The following PLCH1 variants were observed in gnomAD, a reference collection of about 807,000 sequenced individuals.
PLCH1 encodes 1-phosphatidylinositol 4,5-bisphosphate phosphodiesterase eta-1.
In PLCH1, 60 loss-of-function variants were observed where a neutral mutation model predicts 126.7. The ratio of observed to expected loss-of-function variants is 0.47; its 90% CI spans 0.38 to 0.59. The LOEUF (loss-of-function observed/expected upper bound fraction) is 0.59, where lower values mean the gene tolerates loss of function less well. Among genes scored for constraint, PLCH1 ranks in the 20% least tolerant of loss-of-function variants. PLCH1 has a pLI of 0.00. For synonymous variants in PLCH1, 719 were observed against 734.9 expected, an observed-to-expected ratio of 0.98 and a Z score of 0.35; for missense variants, 1,723 against 2,040.0, an observed-to-expected ratio of 0.84 and a Z score of 2.99.
In PLCH1 at chr3:155,492,714, T is replaced by A. The variant is rs770332260; in HGVS notation, c.2307+15A>T. 6.4e-7 allele frequency: 1 copy of A among 1,555,060 alleles called. No individual in the cohort carries two copies. The highest frequency in any genetic ancestry group is 8.7e-7 in the Non-Finnish European group (1 of 1,154,774). Reference sequence around the variant, plus strand: ...CATAATTAACCACTTAGACACGTAGTCATAGGCAACTTACCTCGCCTCGAT... The same window carrying A: ...CATAATTAACCACTTAGACACGTAGACATAGGCAACTTACCTCGCCTCGAT... On this transcript the variant is annotated intron_variant, in intron 18 of 22. Transcript: ENST00000460012.
chr3:155,561,199 G>C (rs1466564897), intron 8 of PLCH1, among the ~76,000 whole-genome samples: 1 of 150,974 alleles, frequency 6.6e-6, no homozygotes, highest in Non-Finnish European at 1.5e-5. Flanking sequence ...AGTTACATAT[G>C]TATACATGTG....
intron 1 of PLCH1, among the ~76,000 whole-genome samples, chr3:155,723,606 C>T (rs988570779): frequency 4.6e-5 from 7 of 152,014 alleles, no homozygotes; most frequent in African/African-American, 1.7e-4. Context: ...TTTGTTGTAT[C>T]CCAAAGGTTT....
intron 2 of PLCH1, among the ~76,000 whole-genome samples, chr3:155,635,824 G>A (rs1738653197): frequency 6.6e-6 from 1 of 152,198 alleles, no homozygotes; most frequent in Non-Finnish European, 1.5e-5. Context: ...TTGAATGATT[G>A]CAAATTACTG....
At chr3:155,470,261 G>C (rs1014660997) in intron 21 of PLCH1, among the ~76,000 whole-genome samples, 42 of 152,260 alleles carry the variant, frequency 2.8e-4, no homozygotes, top group South Asian at 1.7e-3. Context: ...ACCAAGGCTC[G>C]AGAACTACGT....
intron 2 of PLCH1, among the ~76,000 whole-genome samples, chr3:155,662,230 A>C (rs544241443): frequency 7.2e-5 from 11 of 152,200 alleles, no homozygotes; most frequent in Non-Finnish European, 1.6e-4. Context: ...AGGTGGGAGA[A>C]TCCTTTGAGG....
intron 2 of PLCH1, among the ~76,000 whole-genome samples, chr3:155,681,730 T>G (rs1744555020): frequency 6.6e-6 from 1 of 152,186 alleles, no homozygotes; most frequent in Non-Finnish European, 1.5e-5. Context: ...TGCAAACACA[T>G]GAAACCTCAA....
At chr3:155,470,450 T>C (rs939459697) in intron 21 of PLCH1, among the ~76,000 whole-genome samples, 1 of 152,088 alleles carries the variant, frequency 6.6e-6, no homozygotes, top group Non-Finnish European at 1.5e-5. Flanking sequence ...CTACATCTGA[T>C]TGGTGTACCT....
intron 21 of PLCH1, among the ~76,000 whole-genome samples, chr3:155,469,221 A>G (rs1311915060): frequency 6.6e-6 from 1 of 152,114 alleles, no homozygotes; most frequent in Non-Finnish European, 1.5e-5. Flanking sequence ...GGGTGTGCGC[A>G]CCGTGTGCGA....
intron 1 of PLCH1, among the ~76,000 whole-genome samples, chr3:155,710,048 T>C (rs2320190): frequency 0.48 from 72,605 of 152,144 alleles, 20,421 homozygotes; most frequent in African/African-American, 0.77. Flanking sequence ...GGTGCACTAG[T>C]GCCATCTTGG....
rs530737943 is a variant in PLCH1, at chr3:155,470,842, G to A, written c.2938+14514C>T. Among the ~76,000 whole-genome samples the A allele has an allele frequency of 3.0e-3, 456 of 152,056 alleles. 2 individuals carry two copies. Among genetic ancestry groups the A allele is most frequent in the African/African-American group, 0.011 (438 of 41,434 alleles). On this transcript the variant is annotated intron_variant, in intron 21 of 21. Transcript: ENST00000494598. ...AGCCAAACTAAGCTTCATAAGTGAAGGAGAAATAAAATAATTTACAAACAA... is the reference window on the plus strand; with the variant it reads ...AGCCAAACTAAGCTTCATAAGTGAAAGAGAAATAAAATAATTTACAAACAA...
intron 2 of PLCH1, among the ~76,000 whole-genome samples, chr3:155,685,939 T>A (rs358903): frequency 0.19 from 29,622 of 152,092 alleles, 3,249 homozygotes; most frequent in East Asian, 0.43. Context: ...CCATGTTTTT[T>A]ACTTTCCTCT....
At chr3:155,459,111 T>G (rs1181587255) in intron 21 of PLCH1, among the ~76,000 whole-genome samples, 3 of 152,204 alleles carry the variant, frequency 2.0e-5, no homozygotes, top group African/African-American at 7.2e-5. Flanking sequence ...GGGTTTAAGG[T>G]AAGTCTTTGA....
In PLCH1 at chr3:155,704,220, C is replaced by T; in HGVS notation, c.5G>A (p.Ser2Asn). 3.3e-6 allele frequency: 4 copies of T among 1,225,310 alleles called. No individual in the cohort carries two copies. The South Asian group carries it at 1.2e-4, about 38-fold the overall frequency. The allele number at this position is 1,225,310 out of a possible 1,614,324, so 75.9% of individuals were successfully genotyped here. A position where few individuals can be genotyped will look rare whatever the true frequency, so the allele number is the denominator to read the frequency against. The change falls in exon 2 of 23, where the codon AGT (serine) becomes AAT (asparagine). Residue 2 changes from serine to asparagine, a missense_variant. Transcript: ENST00000460012. ...GTTCCTTTTTTCCAAGTTCCAGTAA[C>T]TCATTGTCAGAAGATTTCTGGCACA... is the stretch of plus-strand genomic sequence containing the variant. M[S>N]YWNLEKRNCV...
intron 2 of PLCH1, among the ~76,000 whole-genome samples, chr3:155,659,925 C>T (rs35123304): frequency 0.14 from 21,664 of 152,162 alleles, 1,586 homozygotes; most frequent in Middle Eastern, 0.22. Context: ...TAAGCCACCA[C>T]GCCCAGCTGT....
intron 8 of PLCH1, among the ~76,000 whole-genome samples, chr3:155,564,325 G>A (rs1728025043): frequency 6.6e-6 from 1 of 152,166 alleles, no homozygotes; most frequent in African/African-American, 2.4e-5. Context: ...AGCACTTCGG[G>A]AGGCTGAGGT....
chr3:155,635,873 T>A (rs1215242196), intron 2 of PLCH1, among the ~76,000 whole-genome samples: 22 of 152,262 alleles, frequency 1.4e-4, no homozygotes, highest in Admixed American at 1.4e-3. Context: ...AACGACAAAT[T>A]GCTTAAAAGA....
At chr3:155,685,706 G>A (rs1744881038) in intron 2 of PLCH1, among the ~76,000 whole-genome samples, 1 of 152,160 alleles carries the variant, frequency 6.6e-6, no homozygotes, top group Non-Finnish European at 1.5e-5. Context: ...AGATGCAAAA[G>A]TTCCTAGCCC....
intron 2 of PLCH1, among the ~76,000 whole-genome samples, chr3:155,618,808 C>T (rs1736109028): frequency 6.6e-6 from 1 of 152,110 alleles, no homozygotes. Context: ...TGAACAATTG[C>T]TTTACAGCCT....
At chr3:155,542,989 C>T (rs1039089596) in intron 10 of PLCH1, among the ~76,000 whole-genome samples, 2 of 152,226 alleles carry the variant, frequency 1.3e-5, no homozygotes, top group African/African-American at 2.4e-5. Context: ...ACCTTTCCTC[C>T]TCCAAAGGAA....
Sources: allele counts gnomAD v4.1 joint callset (sites outside exome capture counted in the v4.1 genomes callset), GRCh38; gene constraint gnomAD v4.1.1; transcripts MANE v1.5; gene names NCBI Gene and HGNC (gene_info 2026-07-23, HGNC 2026-07-21).